Variants in ARB2A observed in about 807,000 individuals in gnomAD.
ARB2A encodes ARB2 cotranscriptional regulator A, also known as cotranscriptional regulator ARB2A.
chr5:93,862,290 G>C, the ARB2A span: 1 of 152,112 alleles, frequency 6.6e-6, no homozygotes, highest in African/African-American at 2.4e-5. Flanking sequence ...CACAATAGCA[G>C]CAAAAATAAG....
At chr5:93,858,846 T>C in the ARB2A span, among the ~76,000 whole-genome samples, 1 of 152,106 alleles carries the variant, frequency 6.6e-6, no homozygotes, top group African/African-American at 2.4e-5. Context: ...TTTGTTAATA[T>C]AGACAGAAAT....
At chr5:94,092,858 C>T in the ARB2A span, among the ~76,000 whole-genome samples, 1 of 152,102 alleles carries the variant, frequency 6.6e-6, no homozygotes, top group African/African-American at 2.4e-5. Context: ...TACAGCCCTA[C>T]AAATACCTCA....
chr5:93,892,728 C>A, the ARB2A span, among the ~76,000 whole-genome samples: 1 of 152,102 alleles, frequency 6.6e-6, no homozygotes, highest in Non-Finnish European at 1.5e-5. Context: ...CTTGCAAAAT[C>A]TCTTTGGGTT....
the ARB2A span, among the ~76,000 whole-genome samples, chr5:93,758,707 G>C: frequency 6.6e-6 from 1 of 152,064 alleles, no homozygotes; most frequent in Non-Finnish European, 1.5e-5. Flanking sequence ...CGACAATAAT[G>C]ACACAACTTA....
the ARB2A span, among the ~76,000 whole-genome samples, chr5:93,671,021 T>C: frequency 6.6e-6 from 1 of 152,220 alleles, no homozygotes; most frequent in Non-Finnish European, 1.5e-5. Context: ...AGGACTTTCA[T>C]TGTGATATAC....
the ARB2A span, among the ~76,000 whole-genome samples, chr5:93,749,131 C>G: frequency 5.7e-3 from 856 of 151,208 alleles, 7 homozygotes; most frequent in African/African-American, 0.02. Context: ...GATTTCATTT[C>G]CAGTGCTTCA....
At chr5:93,682,048 G>C in the ARB2A span, among the ~76,000 whole-genome samples, 1 of 151,996 alleles carries the variant, frequency 6.6e-6, no homozygotes, top group African/African-American at 2.4e-5. Context: ...ATTCTCTTAA[G>C]TGGCTTCAGC....
At chr5:94,071,314 A>G in the ARB2A span, among the ~76,000 whole-genome samples, 1 of 152,072 alleles carries the variant, frequency 6.6e-6, no homozygotes. Flanking sequence ...ATAGGAGAAA[A>G]CCTTCATAAA....
At chr5:93,863,882 TAGAGTCTTAAAA>T in the ARB2A span, 8 of 152,140 alleles carry the variant, frequency 5.3e-5, no homozygotes, top group Non-Finnish European at 8.8e-5. Context: ...TTTAGTTTTT[TAGAGTCTTAAAA>T]AAGTATTTAT....
chr5:93,925,688 A>G, the ARB2A span, among the ~76,000 whole-genome samples: 1 of 152,210 alleles, frequency 6.6e-6, no homozygotes, highest in African/African-American at 2.4e-5. Context: ...CATGGAAAGC[A>G]AAAACAGGGA....
the ARB2A span, chr5:93,824,153 C>T: frequency 1.9e-6 from 3 of 1,581,008 alleles, no homozygotes; most frequent in Non-Finnish European, 2.6e-6. Context: ...CTTACCAGTT[C>T]AACAAAAGCA....
chr5:93,758,202 CCTAAACATACATGCAT>C, the ARB2A span, among the ~76,000 whole-genome samples: 2 of 152,048 alleles, frequency 1.3e-5, no homozygotes, highest in Non-Finnish European at 2.9e-5. Flanking sequence ...ATATCACAAT[CCTAAACATACATGCAT>C]CTAACACTGG....
At chr5:94,093,046 T>C in the ARB2A span, among the ~76,000 whole-genome samples, 4 of 152,182 alleles carry the variant, frequency 2.6e-5, no homozygotes, top group Non-Finnish European at 5.9e-5. Flanking sequence ...TATTTTTCTA[T>C]AACCTTTCAT....
the ARB2A span, among the ~76,000 whole-genome samples, chr5:93,645,830 A>G: frequency 5.9e-5 from 9 of 152,212 alleles, no homozygotes; most frequent in African/African-American, 1.9e-4. Context: ...CCCAAATGTA[A>G]CAGTTCAAGA....
the ARB2A span, among the ~76,000 whole-genome samples, chr5:93,849,925 G>C: frequency 1.3e-5 from 2 of 152,158 alleles, no homozygotes; most frequent in East Asian, 3.8e-4. Flanking sequence ...TATTTTTCAA[G>C]TGCTTACTCT....
At chr5:93,823,837 C>A in the ARB2A span, among the ~76,000 whole-genome samples, 13 of 151,956 alleles carry the variant, frequency 8.6e-5, no homozygotes, top group Non-Finnish European at 1.9e-4. Flanking sequence ...TGCCTGTAAT[C>A]CCAGCTACTT....
chr5:94,059,134 T>C, the ARB2A span, among the ~76,000 whole-genome samples: 1 of 150,144 alleles, frequency 6.7e-6, no homozygotes, highest in East Asian at 2.0e-4. Context: ...CATGCCTTCA[T>C]AGCAATGCAA....
chr5:93,620,132 T>C, the ARB2A span: 1 of 152,300 alleles, frequency 6.6e-6, no homozygotes, highest in African/African-American at 2.4e-5. Flanking sequence ...ACACATTATG[T>C]GTTTAAAAAG....
chr5:93,824,372 G>A, the ARB2A span: 1 of 650,484 alleles, frequency 1.5e-6, no homozygotes, highest in Non-Finnish European at 2.3e-6. Flanking sequence ...GAAATACAAT[G>A]GTTATAGCTC....
Sources: gnomAD v4.1 joint callset for allele counts (sites outside exome capture counted in the v4.1 genomes callset) on GRCh38, gnomAD v4.1.1 for gene constraint, MANE v1.5 for transcripts, NCBI Gene and HGNC (gene_info 2026-07-23, HGNC 2026-07-21) for gene names.